ANKFN1: variants seen among roughly 807,000 people sequenced by gnomAD.
ANKFN1 encodes ankyrin repeat and fibronectin type III domain containing 1.
In ANKFN1, 74 loss-of-function variants were observed where a neutral mutation model predicts 108.7. That is an observed-to-expected ratio of 0.68 (90% CI 0.56 to 0.83). ANKFN1 has a LOEUF of 0.83. Ranked by LOEUF, ANKFN1 falls within the 40% of genes least tolerant of loss-of-function variation. The pLI, the probability that ANKFN1 is intolerant of heterozygous loss-of-function variation, is 0.00. For synonymous variants in ANKFN1, 547 were observed against 516.2 expected (o/e 1.06, Z -0.81); for missense variants, 1,505 against 1,382.3 (o/e 1.09, Z -1.41).
chr17:56,064,936 C>T (rs1272238387), intron 4 of ANKFN1, among the ~76,000 whole-genome samples: 1 of 152,206 alleles, frequency 6.6e-6, no homozygotes, highest in Non-Finnish European at 1.5e-5. Flanking sequence ...GTAGCACATT[C>T]ACTCACCACC....
intron 3 of ANKFN1, among the ~76,000 whole-genome samples, chr17:56,260,853 C>A (rs2043492806): frequency 6.6e-6 from 1 of 152,116 alleles, no homozygotes; most frequent in South Asian, 2.1e-4. Flanking sequence ...GGGTGGCTTC[C>A]TAATTTTAAT....
chr17:56,400,431 TTG>T (rs2047725035), intron 8 of ANKFN1, among the ~76,000 whole-genome samples: 1 of 63,792 alleles, frequency 1.6e-5, no homozygotes, highest in African/African-American at 5.5e-5. Context: ...TTTGATGAGG[TTG>T]TTTTTTTTCT....
intron 1 of ANKFN1, among the ~76,000 whole-genome samples, chr17:56,161,531 A>G (rs2143505023): frequency 6.6e-6 from 1 of 152,336 alleles, no homozygotes; most frequent in East Asian, 1.9e-4. Context: ...GGCTGTATAT[A>G]ATGCAATTTG....
Position 56,062,573 on chromosome 17 carries a change from T to TTTTTTTTTTTTTTTTTTTTTTTTC in ANKFN1, c.288+16248_288+16249insTTTTTTTTTTTTTTTTTTTTTTTC, listed in dbSNP as rs1555589520. On this transcript the variant is annotated intron_variant, in intron 4 of 12. Coordinates refer to the ANKFN1 transcript ENST00000635860. ...TGTAATCTCTGCTTTTTTTTTTTTT[T>TTTTTTTTTTTTTTTTTTTTTTTTC]CTTTCCATTTGCTTGGTAAATTTTC... 5.6e-4 allele frequency among the ~76,000 whole-genome samples: 82 copies of TTTTTTTTTTTTTTTTTTTTTTTTC among 145,170 alleles called. 2 individuals are homozygous for TTTTTTTTTTTTTTTTTTTTTTTTC. Among genetic ancestry groups the TTTTTTTTTTTTTTTTTTTTTTTTC allele is most frequent in the African/African-American group, 2.3e-3 (80 of 35,270 alleles).
At chr17:56,477,912 C>T (rs2050563734) in intron 16 of ANKFN1, among the ~76,000 whole-genome samples, 1 of 152,168 alleles carries the variant, frequency 6.6e-6, no homozygotes, top group Non-Finnish European at 1.5e-5. Flanking sequence ...ACTGCAACCT[C>T]TGCTTCCCAG....
At chr17:56,400,144 A>G (rs1008979162) in intron 8 of ANKFN1, among the ~76,000 whole-genome samples, 1 of 151,800 alleles carries the variant, frequency 6.6e-6, no homozygotes, top group Admixed American at 6.6e-5. Context: ...ACTTTTAGTT[A>G]TTTAAGGAAT....
chr17:56,397,195 T>C (rs1349945360), intron 8 of ANKFN1, among the ~76,000 whole-genome samples: 1 of 152,056 alleles, frequency 6.6e-6, no homozygotes, highest in Non-Finnish European at 1.5e-5. Flanking sequence ...CCCCAACTAA[T>C]CCCACTGCCT....
chr17:56,316,682 C>A (rs1402154502), intron 3 of ANKFN1, among the ~76,000 whole-genome samples: 2 of 152,148 alleles, frequency 1.3e-5, no homozygotes, highest in African/African-American at 4.8e-5. Context: ...GACTGGCACT[C>A]AGGAGAGAAA....
At chr17:56,181,402 A>C (rs1178192084) in intron 1 of ANKFN1, among the ~76,000 whole-genome samples, 1 of 152,210 alleles carries the variant, frequency 6.6e-6, no homozygotes, top group Non-Finnish European at 1.5e-5. Flanking sequence ...TTATATAAAT[A>C]GTGTGTCATT....
At chr17:56,500,215 C>A (rs1288403229) in intron 20 of ANKFN1, among the ~76,000 whole-genome samples, 1 of 152,086 alleles carries the variant, frequency 6.6e-6, no homozygotes, top group Non-Finnish European at 1.5e-5. Flanking sequence ...ATTGTCAATA[C>A]CCTATTTAAT....
chr17:56,264,001 G>A (rs2043585562), intron 3 of ANKFN1, among the ~76,000 whole-genome samples: 1 of 152,166 alleles, frequency 6.6e-6, no homozygotes, highest in African/African-American at 2.4e-5. Context: ...GAGAGAAAGT[G>A]TTTTGTGTGA....
intron 4 of ANKFN1, among the ~76,000 whole-genome samples, chr17:56,131,053 C>T (rs1039347099): frequency 2.0e-5 from 3 of 151,964 alleles, no homozygotes; most frequent in Non-Finnish European, 4.4e-5. Flanking sequence ...TTGAAAGAAA[C>T]CCAGCTTTGT....
intron 8 of ANKFN1, among the ~76,000 whole-genome samples, chr17:56,388,801 A>G (rs1348587002): frequency 6.6e-6 from 1 of 152,158 alleles, no homozygotes; most frequent in Non-Finnish European, 1.5e-5. Context: ...GTTCCACTAC[A>G]TAGTAATAAC....
In ANKFN1 at chr17:56,115,356, A is replaced by G. The variant is rs186173392; in HGVS notation, c.288+69031A>G. ...GTTAAAGTGAATGAAGCAGATCTGT[A>G]AGTACTGACATGCCAAATTCTTCAA... On this transcript the variant is annotated intron_variant, in intron 4 of 12. Coordinates refer to the ANKFN1 transcript ENST00000635860. Among the ~76,000 whole-genome samples the G allele has an allele frequency of 5.8e-4, 88 of 152,314 alleles. 1 individual carries two copies. Among genetic ancestry groups the G allele is most frequent in the African/African-American group, 1.8e-3 (75 of 41,578 alleles).
intron 4 of ANKFN1, among the ~76,000 whole-genome samples, chr17:56,332,427 T>C (rs760467841): frequency 2.0e-5 from 3 of 152,154 alleles, no homozygotes; most frequent in Non-Finnish European, 4.4e-5. Context: ...GCTTTTACAT[T>C]TAGGTCTAGG....
chr17:56,499,133 C>T, intron 20 of ANKFN1, 35 bp downstream of exon 20: 1 of 1,523,444 alleles, frequency 6.6e-7, no homozygotes, highest in Non-Finnish European at 8.8e-7. Context: ...GTTGTTTAGT[C>T]CCTGGACTTT....
chr17:56,443,209 ACAGT>A (rs1213294262), intron 10 of ANKFN1, among the ~76,000 whole-genome samples: 1 of 152,140 alleles, frequency 6.6e-6, no homozygotes, highest in African/African-American at 2.4e-5. Flanking sequence ...AAGTTGTTTA[ACAGT>A]CAGGCATGGT....
At chr17:56,065,228 C>T (rs1905041940) in intron 4 of ANKFN1, among the ~76,000 whole-genome samples, 1 of 152,170 alleles carries the variant, frequency 6.6e-6, no homozygotes, top group Admixed American at 6.5e-5. Flanking sequence ...GCTTCTTCAC[C>T]TCTCTCAGCC....
intron 15 of ANKFN1, among the ~76,000 whole-genome samples, chr17:56,470,151 G>T (rs1482667443): frequency 1.3e-5 from 2 of 152,156 alleles, no homozygotes; most frequent in African/African-American, 4.8e-5. Context: ...GTATTCCATG[G>T]TGTATATGCA....
Sources: gnomAD v4.1 joint callset for allele counts (sites outside exome capture counted in the v4.1 genomes callset) on GRCh38, gnomAD v4.1.1 for gene constraint, MANE v1.5 for transcripts, NCBI Gene and HGNC (gene_info 2026-07-23, HGNC 2026-07-21) for gene names.